The following DDX60L variants were observed in gnomAD, a reference collection of about 807,000 sequenced individuals.
DDX60L encodes the protein probable ATP-dependent RNA helicase DDX60-like.
In DDX60L, 191 loss-of-function variants were observed where a neutral mutation model predicts 211.6. The observed-to-expected ratio is 0.90, with a 90% CI of 0.80 to 1.02. The LOEUF is 1.02. Ranked by LOEUF, DDX60L falls within the 50% of genes least tolerant of loss-of-function variation. DDX60L has a pLI of 0.00. For missense variants in DDX60L, 2,007 were observed against 1,984.1 expected (o/e 1.01, Z -0.22); for synonymous variants, 706 against 694.1 (o/e 1.02, Z -0.27).
chr4:168,370,035 A>C (rs1740731383), intron 36 of DDX60L, among the ~76,000 whole-genome samples: 4 of 152,204 alleles, frequency 2.6e-5, no homozygotes, highest in Admixed American at 2.6e-4. Flanking sequence ...CATTAAAACT[A>C]GAATTACGAT....
intron 37 of DDX60L, among the ~76,000 whole-genome samples, chr4:168,358,691 T>C (rs917842685): frequency 1.3e-5 from 2 of 151,912 alleles, no homozygotes; most frequent in Non-Finnish European, 2.9e-5. Flanking sequence ...GGCTAATTTT[T>C]ATATTTTTAG....
intron 4 of DDX60L, among the ~76,000 whole-genome samples, chr4:168,468,492 T>C (rs945955038): frequency 6.6e-5 from 10 of 152,128 alleles, no homozygotes; most frequent in Admixed American, 1.3e-4. Flanking sequence ...AGAAATTTTC[T>C]CAATTTGATA....
At chr4:168,403,711 CA>C (rs1163067839) in intron 25 of DDX60L, among the ~76,000 whole-genome samples, 1 of 151,432 alleles carries the variant, frequency 6.6e-6, no homozygotes, top group Non-Finnish European at 1.5e-5. Context: ...TAGTTGCTTA[CA>C]AAAAGAAATT....
intron 29 of DDX60L, among the ~76,000 whole-genome samples, chr4:168,386,680 G>T (rs80088081): frequency 6.4e-4 from 8 of 12,478 alleles, no homozygotes; most frequent in Non-Finnish European, 4.2e-3. Flanking sequence ...AATCCCTGAT[G>T]TTTTTTTAAT....
At chr4:168,360,817 C>G (rs1299050201) in intron 37 of DDX60L, among the ~76,000 whole-genome samples, 1 of 152,186 alleles carries the variant, frequency 6.6e-6, no homozygotes, top group Non-Finnish European at 1.5e-5. Flanking sequence ...TGTGACTGCT[C>G]AGCATTTGTA....
rs539514932 is a variant in DDX60L at position 168,402,167 on chromosome 4, G to A, written c.3339-1189C>T. On this transcript the variant is annotated intron_variant, in intron 25 of 37. Transcript: ENST00000682922. ...TTTTGAGACAGGCTCTTGCTCTGTC[G>A]CCCAGACTGGAGTACAGTGGTGCAC... 4.8e-3 allele frequency among the ~76,000 whole-genome samples: 620 copies of A among 128,748 alleles called. 6 individuals carry two copies. The highest frequency in any genetic ancestry group is 7.2e-3 in the Non-Finnish European group (465 of 64,682). 84.5% of individuals were successfully genotyped at this position (128,748 alleles called of 152,430 possible).
chr4:168,374,819 C>T (rs1741659104), intron 34 of DDX60L, among the ~76,000 whole-genome samples: 2 of 152,178 alleles, frequency 1.3e-5, no homozygotes, highest in Non-Finnish European at 2.9e-5. Flanking sequence ...ATTAATATAC[C>T]TAATCCTCTA....
At chr4:168,399,505 T>C (rs777705642) in intron 26 of DDX60L, among the ~76,000 whole-genome samples, 8 of 152,176 alleles carry the variant, frequency 5.3e-5, no homozygotes, top group Admixed American at 1.3e-4. Context: ...AAAGGTGCCA[T>C]TGGCCACAGA....
chr4:168,407,022 T>C (rs1179968216), intron 22 of DDX60L, among the ~76,000 whole-genome samples: 1 of 152,226 alleles, frequency 6.6e-6, no homozygotes, highest in African/African-American at 2.4e-5. Flanking sequence ...GTGAGGGTAC[T>C]GGGTGGCTGG....
Position 168,378,473 on chromosome 4 carries a change from A to C in DDX60L, c.4366T>G (p.Ser1456Ala). The change falls in exon 33 of 38, where the codon TCA (serine) becomes GCA (alanine). Residue 1456 changes from serine to alanine, a missense_variant and splice_region_variant. Physicochemically the swap from Ser to Ala is moderately conservative, Grantham distance 99. Transcript: ENST00000682922. ...ATCACATCTTGGGAAAATTGTTGTGAGCCTATTGAAATAAAGAGCATTATT... is the reference window on the plus strand; with the variant it reads ...ATCACATCTTGGGAAAATTGTTGTGCGCCTATTGAAATAAAGAGCATTATT... ...HNLCKPAWKGSQQFSQDVMEK... is the reference protein window; with the variant it reads ...HNLCKPAWKGAQQFSQDVMEK... The C allele has an allele frequency of 6.4e-7, 1 of 1,558,536 alleles. No individual in the cohort carries two copies. Among genetic ancestry groups the C allele is most frequent in the Non-Finnish European group, 8.7e-7 (1 of 1,150,696 alleles).
At chr4:168,390,086 C>T (rs192818561) in intron 29 of DDX60L, 45 of 975,166 alleles carry the variant, frequency 4.6e-5, no homozygotes, top group Non-Finnish European at 2.7e-5. Flanking sequence ...CCTCGAGAAA[C>T]AAATAAAATC....
rs914927850 is a variant in DDX60L, at chr4:168,373,590, A to G, written c.4776+76T>C. On this transcript the variant is annotated intron_variant, in intron 35 of 37. Coordinates refer to ENST00000682922, the MANE Select transcript of DDX60L (RefSeq NM_001012967.3). ...TTCAGTGTTTTGGGTTTGAGGTCCTATCAAGGCTTCACAGCAATGTAACCC... is the reference window on the plus strand; with the variant it reads ...TTCAGTGTTTTGGGTTTGAGGTCCTGTCAAGGCTTCACAGCAATGTAACCC... The G allele has an allele frequency of 7.5e-6, 11 of 1,470,828 alleles. No individual in the cohort carries two copies. The African/African-American group carries it at 1.1e-4, about 15-fold the overall frequency. The allele number at this position is 1,470,828 out of a possible 1,614,324, so 91.1% of individuals were successfully genotyped here. A position where few individuals can be genotyped will look rare whatever the true frequency, so the allele number is the denominator to read the frequency against.
intron 26 of DDX60L, among the ~76,000 whole-genome samples, chr4:168,396,398 A>T (rs1560983996): frequency 6.6e-6 from 1 of 152,028 alleles, no homozygotes; most frequent in Non-Finnish European, 1.5e-5. Flanking sequence ...TTCTCAGGAA[A>T]ATTTCTGCTA....
chr4:168,365,151 C>T (rs996002243), intron 36 of DDX60L, among the ~76,000 whole-genome samples: 2 of 151,882 alleles, frequency 1.3e-5, no homozygotes, highest in African/African-American at 4.8e-5. Flanking sequence ...AAACCCAAAA[C>T]TGGTAGAAGG....
intron 7 of DDX60L, among the ~76,000 whole-genome samples, chr4:168,454,758 C>CTTTTTTTTTTTTTTTTTTTGTTTTTTTT (rs1756279754): frequency 1.1e-5 from 1 of 88,656 alleles, no homozygotes; most frequent in East Asian, 3.7e-4. Flanking sequence ...AAACAGCTTC[C>CTTTTTTTTTTTTTTTTTTTGTTTTTTTT]TTTTTTTTTT....
Position 168,394,607 on chromosome 4 carries a change from C to A in DDX60L, c.3668G>T (p.Arg1223Met), listed in dbSNP as rs778220209. ...ITRNKDSTLERVLPRVRFTRH... is the reference protein window; with the variant it reads ...ITRNKDSTLEMVLPRVRFTRH... ...TGTAAATCGCACTCGCGGTAATACC[C>A]TCTCCAAAGTCTAAAACAAGAAAGA... Residue 1223 changes from arginine to methionine, a missense_variant, in exon 28 of 38, where the codon AGG (arginine) becomes ATG (methionine). Arg to Met is a moderately conservative substitution (Grantham distance 91). Coordinates refer to ENST00000682922, the MANE Select transcript of DDX60L (RefSeq NM_001012967.3). 4.1e-5 allele frequency: 66 copies of A among 1,596,064 alleles called. No homozygotes were observed. The highest frequency in any genetic ancestry group is 5.4e-5 in the Non-Finnish European group (64 of 1,175,254).
Position 168,441,642 on chromosome 4 carries a change from T to C in DDX60L, c.1139-150A>G, listed in dbSNP as rs868671226. On this transcript the variant is annotated intron_variant, in intron 9 of 37. Transcript: ENST00000682922. ...GTTACACAATACACTTGCATGAAAA[T>C]TAGTCATGACACTATGACAGTACTT... is the stretch of plus-strand genomic sequence containing the variant. 103 of 607,116 alleles carry C rather than the reference T, an allele frequency of 1.7e-4. 5 individuals carry two copies. In the South Asian group the frequency reaches 2.8e-3, roughly 16 times the overall value. The allele number at this position is 607,116 out of a possible 1,614,324, so 37.6% of individuals were successfully genotyped here. A position where few individuals can be genotyped will look rare whatever the true frequency, so the allele number is the denominator to read the frequency against.
intron 9 of DDX60L, among the ~76,000 whole-genome samples, chr4:168,447,706 G>A (rs1367447278): frequency 6.6e-6 from 1 of 151,614 alleles, no homozygotes; most frequent in East Asian, 1.9e-4. Context: ...CATAAAAAAT[G>A]ATGAGTTCAT....
chr4:168,434,503 A>G (rs1400314984), intron 10 of DDX60L, among the ~76,000 whole-genome samples: 1 of 152,232 alleles, frequency 6.6e-6, no homozygotes, highest in African/African-American at 2.4e-5. Context: ...TGTGTAAGTC[A>G]GAAATTGCTG....
Sources: allele counts gnomAD v4.1 joint callset (sites outside exome capture counted in the v4.1 genomes callset), GRCh38; gene constraint gnomAD v4.1.1; transcripts MANE v1.5; gene names NCBI Gene and HGNC (gene_info 2026-07-23, HGNC 2026-07-21).